ZMYND11: variants seen among roughly 807,000 people sequenced by gnomAD.
ZMYND11 encodes zinc finger MYND-type containing 11.
Under a neutral mutation model 84.9 loss-of-function variants are expected in ZMYND11, and 9 were observed. That is an observed-to-expected ratio of 0.11 (90% confidence interval 0.06 to 0.18). The LOEUF (loss-of-function observed/expected upper bound fraction) is 0.18. Among genes scored for constraint, ZMYND11 ranks in the 10% least tolerant of loss-of-function variants. The pLI is 1.00. For synonymous variants in ZMYND11, 250 were observed against 244.1 expected (o/e 1.02, Z -0.23); for missense variants, 409 against 761.0 (o/e 0.54, Z 5.44).
At chr10:170,457 C>T (rs988858817) in intron 1 of ZMYND11, among the ~76,000 whole-genome samples, 88 of 95,258 alleles carry the variant, frequency 9.2e-4, no homozygotes, top group Admixed American at 3.4e-3. Flanking sequence ...TGTGTGTGTG[C>T]GTGCTTATGG....
At chr10:182,381 A>G (rs922628408) in intron 2 of ZMYND11, among the ~76,000 whole-genome samples, 3 of 152,344 alleles carry the variant, frequency 2.0e-5, no homozygotes, top group Non-Finnish European at 4.4e-5. Flanking sequence ...CTTCATCAGC[A>G]TAGCCTTAAC....
In ZMYND11 at chr10:237,616, A is replaced by G. The variant is rs1950195904; in HGVS notation, c.548A>G (p.Asn183Ser). The change falls in exon 6 of 15, where the codon AAT becomes AGT. Residue 183 changes from asparagine (N) to serine (S), a missense_variant. Physicochemically the swap from Asn to Ser is conservative, Grantham distance 46 (BLOSUM62 1). This residue lies in a region of ZMYND11 where 53 missense variants were observed against 71.1 expected (regional missense o/e 0.75). Coordinates refer to ENST00000381604, the MANE Select transcript of ZMYND11 (RefSeq NM_001370100.5). ...GATCTTAATAAAAAGGGGAAGGACA[A>G]TAAACACCCGATGTACAGGAGGCTG... ...AIDLNKKGKDNKHPMYRRLVH... is the reference protein window; with the variant it reads ...AIDLNKKGKDSKHPMYRRLVH... 1.2e-6 allele frequency: 2 copies of G among 1,613,744 alleles called. No homozygotes were observed. The highest frequency in any genetic ancestry group is 1.3e-5 in the African/African-American group (1 of 75,066).
At chr10:248,269 G>T in intron 12 of ZMYND11, 67 bp from the exon 13 acceptor site, 1 of 1,549,726 alleles carries the variant, frequency 6.5e-7, no homozygotes, top group Non-Finnish European at 8.7e-7. Flanking sequence ...TATCCGAATG[G>T]GGTAGTTCTT....
intron 2 of ZMYND11, among the ~76,000 whole-genome samples, chr10:209,522 G>T (rs1225153365): frequency 1.3e-5 from 2 of 152,170 alleles, no homozygotes; most frequent in African/African-American, 4.8e-5. Context: ...TCTAAATGTA[G>T]AATCTGTAGA....
At chr10:192,517 T>C (rs1940710792) in intron 2 of ZMYND11, among the ~76,000 whole-genome samples, 1 of 152,238 alleles carries the variant, frequency 6.6e-6, no homozygotes, top group Admixed American at 6.5e-5. Flanking sequence ...CATAAATTAC[T>C]ATGACTTGCC....
chr10:234,529 A>G (rs1949587315), intron 4 of ZMYND11, among the ~76,000 whole-genome samples: 1 of 152,192 alleles, frequency 6.6e-6, no homozygotes, highest in Non-Finnish European at 1.5e-5. Context: ...CTATAACCCC[A>G]CTGATAGTAT....
intron 1 of ZMYND11, among the ~76,000 whole-genome samples, chr10:164,365 G>A (rs551559798): frequency 9.3e-4 from 142 of 152,174 alleles, no homozygotes; most frequent in African/African-American, 3.3e-3. Flanking sequence ...GGCAGGGTTG[G>A]TTAGGTGATG....
chr10:242,647 G>C (rs1951244920), intron 10 of ZMYND11, among the ~76,000 whole-genome samples: 1 of 152,124 alleles, frequency 6.6e-6, no homozygotes, highest in South Asian at 2.1e-4. Flanking sequence ...ATTGAGATAA[G>C]GTGAAAAAGT....
At chr10:217,874 G>A (rs1194688886) in intron 3 of ZMYND11, among the ~76,000 whole-genome samples, 1 of 152,122 alleles carries the variant, frequency 6.6e-6, no homozygotes, top group African/African-American at 2.4e-5. Flanking sequence ...TGAATCAATC[G>A]AGCTCCAGAG....
At chr10:148,085 C>G (rs1189612833) in intron 1 of ZMYND11, 2 of 152,410 alleles carry the variant, frequency 1.3e-5, no homozygotes, top group Non-Finnish European at 2.9e-5. Context: ...TCCTCTTTAT[C>G]CCTGGTGTTT....
chr10:139,988 G>A (rs113780237), intron 1 of ZMYND11, among the ~76,000 whole-genome samples: 127 of 152,230 alleles, frequency 8.3e-4, no homozygotes, highest in African/African-American at 2.9e-3. Flanking sequence ...TTACAGGCAT[G>A]AGCCACCGTG....
intron 2 of ZMYND11, among the ~76,000 whole-genome samples, chr10:180,395 C>T (rs1847596897): frequency 6.6e-6 from 1 of 152,006 alleles, no homozygotes; most frequent in South Asian, 2.1e-4. Flanking sequence ...ATTTTTAACT[C>T]TATTTATTGA....
At chr10:246,146 G>A (rs897189319) in intron 10 of ZMYND11, among the ~76,000 whole-genome samples, 9 of 152,136 alleles carry the variant, frequency 5.9e-5, no homozygotes, top group African/African-American at 1.9e-4. Context: ...GATATGTATC[G>A]CACTTATGTT....
intron 12 of ZMYND11, 37 bp downstream of exon 12, chr10:247,503 G>A: frequency 6.3e-7 from 1 of 1,588,344 alleles, no homozygotes; most frequent in East Asian, 2.3e-5. Context: ...GGTGGCAAAT[G>A]AAACAGGAAA....
intron 3 of ZMYND11, among the ~76,000 whole-genome samples, chr10:213,897 A>G (rs1046357287): frequency 4.6e-5 from 7 of 152,194 alleles, no homozygotes; most frequent in Non-Finnish European, 7.4e-5. Flanking sequence ...ATTTGAAGCA[A>G]TTGAGAAATA....
chr10:165,483 C>T (rs1554763462), intron 1 of ZMYND11, among the ~76,000 whole-genome samples: 1 of 152,094 alleles, frequency 6.6e-6, no homozygotes, highest in African/African-American at 2.4e-5. Context: ...TTAACATCTC[C>T]CTTAGATGTC....
At chr10:178,970 C>T (rs1027970865) in intron 1 of ZMYND11, among the ~76,000 whole-genome samples, 5 of 152,152 alleles carry the variant, frequency 3.3e-5, no homozygotes, top group Non-Finnish European at 7.4e-5. Flanking sequence ...CAGCAAAGTG[C>T]TTCCCTCCCT....
intron 2 of ZMYND11, among the ~76,000 whole-genome samples, chr10:192,876 G>A (rs896171086): frequency 2.0e-5 from 3 of 152,022 alleles, no homozygotes; most frequent in African/African-American, 4.8e-5. Flanking sequence ...GTTTTCCACT[G>A]GGATATTGTT....
intron 2 of ZMYND11, among the ~76,000 whole-genome samples, chr10:186,322 C>T (rs1938419816): frequency 6.6e-6 from 1 of 151,546 alleles, no homozygotes; most frequent in Non-Finnish European, 1.5e-5. Flanking sequence ...GGATTCTTAA[C>T]ATAGCAAGAC....
Sources: gnomAD v4.1 joint callset for allele counts (sites outside exome capture counted in the v4.1 genomes callset) on GRCh38, gnomAD v4.1.1 for gene constraint, gnomAD v4.1.1 regional missense constraint, MANE v1.5 for transcripts, NCBI Gene and HGNC (gene_info 2026-07-23, HGNC 2026-07-21) for gene names.